GSE1: variants seen among roughly 807,000 people sequenced by gnomAD.
The protein encoded by GSE1 is genetic suppressor element 1.
GSE1 carries 32 observed loss-of-function variants against 112.6 expected under a neutral mutation model. That is an observed-to-expected ratio of 0.28 (90% CI 0.21 to 0.38). GSE1 has a LOEUF of 0.38. GSE1 is among the 10% of genes least tolerant of loss of function. GSE1 has a pLI of 1.00. For synonymous variants in GSE1, 1,115 were observed against 735.6 expected (o/e 1.52, Z -8.35); for missense variants, 2,348 against 1,699.2 (o/e 1.38, Z -6.71).
At chr16:85,326,352 G>T (rs1192415293) in intron 1 of GSE1, among the ~76,000 whole-genome samples, 1 of 152,204 alleles carries the variant, frequency 6.6e-6, no homozygotes, top group Non-Finnish European at 1.5e-5. Flanking sequence ...TCTGTAAAAT[G>T]GGGATGATTG....
intron 1 of GSE1, among the ~76,000 whole-genome samples, chr16:85,200,060 CG>C (rs2143543084): frequency 6.6e-6 from 1 of 152,316 alleles, no homozygotes; most frequent in South Asian, 2.1e-4. Context: ...CTTCTGCCTT[CG>C]TCTCCTCTGT....
chr16:85,281,058 C>G (rs1341514384), intron 1 of GSE1, among the ~76,000 whole-genome samples: 1 of 152,210 alleles, frequency 6.6e-6, no homozygotes, highest in Admixed American at 6.5e-5. Context: ...ACGGCTCTCC[C>G]TGCTCTAAAG....
intron 1 of GSE1, among the ~76,000 whole-genome samples, chr16:85,252,435 T>C (rs1906591049): frequency 6.6e-6 from 1 of 151,544 alleles, no homozygotes; most frequent in South Asian, 2.1e-4. Flanking sequence ...CCCTAGACAC[T>C]TTCTGGTTTA....
At chr16:85,522,368 G>A (rs994708920) in intron 2 of GSE1, among the ~76,000 whole-genome samples, 1 of 140,682 alleles carries the variant, frequency 7.1e-6, no homozygotes, top group Non-Finnish European at 1.5e-5. Context: ...CCTGCCCCCA[G>A]GATGCAGCTC....
intron 2 of GSE1, among the ~76,000 whole-genome samples, chr16:85,478,895 CTTT>C (rs2050563494): frequency 1.3e-5 from 1 of 76,338 alleles, no homozygotes; most frequent in African/African-American, 7.7e-5. Flanking sequence ...TTCTTTCTTT[CTTT>C]CTTTCTTTCT....
intron 1 of GSE1, among the ~76,000 whole-genome samples, chr16:85,238,292 C>T (rs935069517): frequency 6.6e-6 from 1 of 152,222 alleles, no homozygotes; most frequent in African/African-American, 2.4e-5. Context: ...TGCTGCCTAC[C>T]TCCTTCTCCC....
At chr16:85,644,320 G>T (rs549806878) in intron 2 of GSE1, among the ~76,000 whole-genome samples, 1 of 150,998 alleles carries the variant, frequency 6.6e-6, no homozygotes, top group Non-Finnish European at 1.5e-5. Context: ...GCCCAGCCTG[G>T]GCAGCAGAGT....
chr16:85,648,477 G>C (rs1384240657), intron 2 of GSE1, 75 bp from the exon 3 acceptor site: 3 of 742,542 alleles, frequency 4.0e-6, no homozygotes, highest in Non-Finnish European at 6.6e-6. Context: ...GGCAGCTGGA[G>C]CCCAGGTCCC....
chr16:85,608,357 G>C (rs984868573), upstream of GSE1, among the ~76,000 whole-genome samples: 4 of 152,168 alleles, frequency 2.6e-5, no homozygotes, highest in African/African-American at 7.2e-5. Flanking sequence ...CACCGGGGCT[G>C]GTAGCCTTGG....
Position 85,185,268 on chromosome 16 carries a change from G to C in GSE1, c.2283+13461G>C, listed in dbSNP as rs182498487. 3 of 152,436 alleles carry C rather than the reference G, an allele frequency of 2.0e-5. No individual in the cohort carries two copies. The East Asian group carries it at 5.8e-4, about 29-fold the overall frequency. 9.4% of individuals were successfully genotyped at this position (152,436 alleles called of 1,614,324 possible). A position where few individuals can be genotyped will look rare whatever the true frequency, so the allele number is the denominator to read the frequency against. On this transcript the variant is annotated intron_variant, in intron 1 of 2. Coordinates refer to the GSE1 transcript ENST00000637419. ...AAGTGACTTGCCCAAGGCCACACAG[G>C]TGTCAGCTCCAGGGGCAGAGTGCTC...
intron 2 of GSE1, among the ~76,000 whole-genome samples, chr16:85,634,934 G>A (rs1305023419): frequency 6.6e-6 from 1 of 151,744 alleles, no homozygotes; most frequent in African/African-American, 2.4e-5. Context: ...GACACCCTCT[G>A]GACTCGCTGC....
chr16:85,298,106 C>T (rs2045417683), intron 1 of GSE1, among the ~76,000 whole-genome samples: 1 of 152,222 alleles, frequency 6.6e-6, no homozygotes, highest in Non-Finnish European at 1.5e-5. Flanking sequence ...CAAACTGCAA[C>T]GTGGGACATG....
At chr16:85,350,808 G>C (rs2046837187) in intron 1 of GSE1, among the ~76,000 whole-genome samples, 1 of 152,126 alleles carries the variant, frequency 6.6e-6, no homozygotes, top group African/African-American at 2.4e-5. Context: ...ACGGACTCTT[G>C]CTCTGTCACC....
At chr16:85,651,114 A>T (rs908812443) in intron 3 of GSE1, among the ~76,000 whole-genome samples, 1 of 118,396 alleles carries the variant, frequency 8.4e-6, no homozygotes, top group African/African-American at 3.1e-5. Flanking sequence ...TCATCGTTGC[A>T]GCTGCGGCTG....
At chr16:85,658,006 G>C (rs550913718) in intron 8 of GSE1, among the ~76,000 whole-genome samples, 2 of 152,296 alleles carry the variant, frequency 1.3e-5, no homozygotes, top group South Asian at 4.1e-4. Context: ...AACAAGAAGG[G>C]GACAGCTTTT....
chr16:85,607,319 A>G (rs897607471), upstream of GSE1, among the ~76,000 whole-genome samples: 1 of 152,138 alleles, frequency 6.6e-6, no homozygotes, highest in African/African-American at 2.4e-5. Flanking sequence ...AGAAAAATAA[A>G]AGCCAGCAGC....
intron 1 of GSE1, among the ~76,000 whole-genome samples, chr16:85,210,884 C>A (rs150730134): frequency 2.6e-5 from 4 of 152,286 alleles, no homozygotes; most frequent in African/African-American, 7.2e-5. Flanking sequence ...CTTCTTCTGG[C>A]CAAGACCCAA....
intron 2 of GSE1, among the ~76,000 whole-genome samples, chr16:85,527,182 C>A (rs1266721013): frequency 6.6e-6 from 1 of 152,232 alleles, no homozygotes; most frequent in South Asian, 2.1e-4. Flanking sequence ...TCATGCTTCC[C>A]CCTCGTGAGG....
At chr16:85,401,981 T>C (rs1281425386) in intron 2 of GSE1, among the ~76,000 whole-genome samples, 1 of 152,198 alleles carries the variant, frequency 6.6e-6, no homozygotes, top group African/African-American at 2.4e-5. Flanking sequence ...TGTCTGGAGC[T>C]CGCCCTGAGG....
Sources: allele counts gnomAD v4.1 joint callset (sites outside exome capture counted in the v4.1 genomes callset), GRCh38; gene constraint gnomAD v4.1.1; transcripts MANE v1.5; gene names NCBI Gene and HGNC (gene_info 2026-07-23, HGNC 2026-07-21).